The following TRPM3 variants were observed in gnomAD, a reference collection of about 807,000 sequenced individuals.
TRPM3 encodes transient receptor potential cation channel subfamily M member 3.
In TRPM3, 77 loss-of-function variants were observed where a neutral mutation model predicts 181.2. That is an observed-to-expected ratio of 0.42 (90% CI 0.35 to 0.51). The LOEUF is 0.51. TRPM3 is among the 20% of genes least tolerant of loss of function. The pLI, the probability that TRPM3 is intolerant of heterozygous loss-of-function variation, is 0.01. For missense variants in TRPM3, 1,759 were observed against 2,196.7 expected, an observed-to-expected ratio of 0.80 and a Z score of 3.98; for synonymous variants, 745 against 796.4, an observed-to-expected ratio of 0.94 and a Z score of 1.09.
intron 8 of TRPM3, among the ~76,000 whole-genome samples, chr9:70,753,581 T>C (rs375457001): frequency 3.7e-4 from 56 of 152,232 alleles, no homozygotes; most frequent in African/African-American, 1.3e-3. Context: ...TGGAAAGACA[T>C]AGTGCAAACT....
chr9:70,956,679 C>T (rs2097076271), intron 1 of TRPM3, among the ~76,000 whole-genome samples: 2 of 151,984 alleles, frequency 1.3e-5, no homozygotes, highest in South Asian at 4.1e-4. Context: ...GAGGCCAGGA[C>T]TTTGACAGCA....
upstream of TRPM3, among the ~76,000 whole-genome samples, chr9:71,122,531 T>C (rs2073759979): frequency 2.0e-5 from 3 of 152,194 alleles, no homozygotes; most frequent in Admixed American, 1.3e-4. Flanking sequence ...TATTTATTTT[T>C]TCCTCTGTGA....
intron 1 of TRPM3, among the ~76,000 whole-genome samples, chr9:71,271,193 GA>G (rs2083762835): frequency 6.6e-6 from 1 of 152,080 alleles, no homozygotes; most frequent in Admixed American, 6.5e-5. Context: ...AGGGGCAAAC[GA>G]ACCTACCCTG....
At chr9:71,320,898 T>C (rs1225040247) in intron 1 of TRPM3, among the ~76,000 whole-genome samples, 1 of 152,130 alleles carries the variant, frequency 6.6e-6, no homozygotes, top group Non-Finnish European at 1.5e-5. Context: ...CAGTGAATGA[T>C]ACATCCCGCT....
In TRPM3 at chr9:70,620,061, G is replaced by T; in HGVS notation, c.2129+15C>A. 6.3e-7 allele frequency: 1 copy of T among 1,591,520 alleles called. No individual in the cohort carries two copies. On this transcript the variant is annotated intron_variant, in intron 16 of 25. Transcript: ENST00000677713. ...CCTCTCCCCCTGACCAGCCCATTTT[G>T]CTGGGCGGACCCACCTGGAATTGTG...
At chr9:70,564,049 T>G (rs941266360) in intron 22 of TRPM3, among the ~76,000 whole-genome samples, 1 of 152,162 alleles carries the variant, frequency 6.6e-6, no homozygotes, top group Non-Finnish European at 1.5e-5. Flanking sequence ...TTTCCTTGCC[T>G]AGTAGTTTCA....
chr9:70,664,085 T>C (rs2061482387), intron 9 of TRPM3, among the ~76,000 whole-genome samples: 1 of 152,184 alleles, frequency 6.6e-6, no homozygotes, highest in Non-Finnish European at 1.5e-5. Context: ...CAACAATAAA[T>C]TTACCAAATT....
rs12342288 is a variant in TRPM3 at position 70,886,456 on chromosome 9, T to C, written c.178-21945A>G. Among the ~76,000 whole-genome samples, 1,514 of 152,252 alleles carry C rather than the reference T, an allele frequency of 9.9e-3. 19 individuals are homozygous for C. Among genetic ancestry groups the C allele is most frequent in the African/African-American group, 0.033 (1,383 of 41,538 alleles). ...AGTGCCTTGTGCCTTTACTTTATAT[T>C]GTACAACAAATGCACCTGAACCTTC... On this transcript the variant is annotated intron_variant, in intron 1 of 25. Coordinates refer to ENST00000677713, the MANE Select transcript of TRPM3 (RefSeq NM_001366145.2).
intron 1 of TRPM3, among the ~76,000 whole-genome samples, chr9:71,435,566 A>C (rs1043935438): frequency 2.0e-5 from 3 of 152,208 alleles, no homozygotes; most frequent in Non-Finnish European, 2.9e-5. Context: ...GCAGAACCTC[A>C]TTCCAAATAC....
At chr9:71,337,936 G>A (rs1316542026) in intron 1 of TRPM3, among the ~76,000 whole-genome samples, 2 of 152,118 alleles carry the variant, frequency 1.3e-5, no homozygotes, top group African/African-American at 4.8e-5. Flanking sequence ...CTGTTGCAGG[G>A]TGGGGGGCCA....
chr9:71,014,578 C>T (rs965752270), intron 1 of TRPM3, among the ~76,000 whole-genome samples: 6 of 152,054 alleles, frequency 3.9e-5, no homozygotes, highest in South Asian at 4.1e-4. Flanking sequence ...CATTGTGTAT[C>T]GTGGCCTTTA....
At chr9:71,153,391 A>C (rs1440017446) in intron 1 of TRPM3, among the ~76,000 whole-genome samples, 1 of 151,454 alleles carries the variant, frequency 6.6e-6, no homozygotes, top group East Asian at 1.9e-4. Flanking sequence ...CCTGGGTTCA[A>C]GCAGTTCTTC....
At chr9:70,822,722 ATTT>A (rs1247702753) in intron 6 of TRPM3, among the ~76,000 whole-genome samples, 2 of 151,576 alleles carry the variant, frequency 1.3e-5, no homozygotes, top group East Asian at 3.9e-4. Context: ...GGTTATGTAT[ATTT>A]ATTTTACCAC....
At chr9:70,644,693 G>A (rs959272085) in intron 9 of TRPM3, among the ~76,000 whole-genome samples, 50 of 152,272 alleles carry the variant, frequency 3.3e-4, no homozygotes, top group African/African-American at 8.2e-4. Flanking sequence ...ACATAGTACT[G>A]GAAGTTCTGG....
At chr9:71,046,202 G>A (rs550257553) in intron 1 of TRPM3, among the ~76,000 whole-genome samples, 8 of 152,208 alleles carry the variant, frequency 5.3e-5, no homozygotes, top group Admixed American at 6.5e-5. Flanking sequence ...GGTCAGGCTG[G>A]TCTTGAACTC....
At chr9:71,342,711 G>A (rs2091040418) in intron 1 of TRPM3, among the ~76,000 whole-genome samples, 1 of 152,096 alleles carries the variant, frequency 6.6e-6, no homozygotes, top group Non-Finnish European at 1.5e-5. Context: ...TATGCTTCTA[G>A]ATCTTTACCC....
At chr9:71,300,416 CTGTTAGTGCCTTCCTAAGCATTCTATT>C (rs879776392) in intron 1 of TRPM3, among the ~76,000 whole-genome samples, 4 of 152,062 alleles carry the variant, frequency 2.6e-5, no homozygotes, top group Non-Finnish European at 4.4e-5. Flanking sequence ...TATGTAAGGT[CTGTTAGTGCCTTCCTAAGCATTCTATT>C]TTGTCAAAAT....
Position 70,640,771 on chromosome 9 carries a change from A to C in TRPM3, c.1346-111T>G, listed in dbSNP as rs1043968342. 1.8e-5 allele frequency: 14 copies of C among 780,520 alleles called. 1 individual carries two copies. The African/African-American group carries it at 2.5e-4, about 14-fold the overall frequency. The allele number at this position is 780,520 out of a possible 1,614,324, so 48.3% of individuals were successfully genotyped here. ...GCCATTAATGCCCCTATTCCCAAAG[A>C]GCCTGCTTGGCTATACAGCAGGTTT... is the stretch of plus-strand genomic sequence containing the variant. On this transcript the variant is annotated intron_variant, in intron 9 of 25. Transcript: ENST00000677713.
chr9:70,612,754 C>T (rs1007865174), intron 18 of TRPM3, among the ~76,000 whole-genome samples: 3 of 152,188 alleles, frequency 2.0e-5, no homozygotes, highest in Non-Finnish European at 4.4e-5. Flanking sequence ...AAATATTGAT[C>T]ATTGACCTCA....
Sources: gnomAD v4.1 joint callset for allele counts (sites outside exome capture counted in the v4.1 genomes callset) on GRCh38, gnomAD v4.1.1 for gene constraint, MANE v1.5 for transcripts, NCBI Gene and HGNC (gene_info 2026-07-23, HGNC 2026-07-21) for gene names.